Variants in CDC42 observed in about 807,000 individuals in gnomAD.
CDC42 encodes cell division cycle 42.
A neutral mutation model predicts 20.8 loss-of-function variants in CDC42; 1 was observed. That is an observed-to-expected ratio of 0.05 (90% CI 0.02 to 0.23). CDC42 has a LOEUF of 0.23. Ranked by LOEUF, CDC42 falls within the 10% of genes least tolerant of loss-of-function variation. The probability of loss-of-function intolerance (pLI) is 1.00; values close to 1 mark genes in which losing one functional copy is unlikely to be tolerated. For missense variants in CDC42, 49 were observed against 227.9 expected (o/e 0.21, Z 5.05); for synonymous variants, 72 against 84.8 (o/e 0.85, Z 0.83).
intron 3 of CDC42, among the ~76,000 whole-genome samples, chr1:22,082,810 C>T (rs1034915726): frequency 6.6e-6 from 1 of 151,688 alleles, no homozygotes; most frequent in East Asian, 1.9e-4. Flanking sequence ...AAACAATGAC[C>T]CATAATGTCA....
At chr1:22,062,002 G>C (rs545810701) in intron 1 of CDC42, among the ~76,000 whole-genome samples, 1 of 152,090 alleles carries the variant, frequency 6.6e-6, no homozygotes, top group South Asian at 2.1e-4. Flanking sequence ...GCAGTGGCGT[G>C]ATCTTGGCTC....
chr1:22,091,048 C>T lies in CDC42; in HGVS notation c.487-380C>T, dbSNP rs79790555. On this transcript the variant is annotated intron_variant, in intron 5 of 5. Coordinates refer to ENST00000656825, the MANE Select transcript of CDC42 (RefSeq NM_001791.4). ...TCCTCTCAGTCCTCTGTTTCATATC[C>T]AGCTGTTTCATTTGAATGCAGAGCT... Among the ~76,000 whole-genome samples, 7 of 152,296 alleles carry T rather than the reference C, an allele frequency of 4.6e-5. No individual in the cohort carries two copies. In the East Asian group the frequency reaches 9.6e-4, roughly 21 times the overall value.
chr1:22,058,303 T>C (rs1256661306), intron 1 of CDC42, among the ~76,000 whole-genome samples: 1 of 152,204 alleles, frequency 6.6e-6, no homozygotes, highest in Non-Finnish European at 1.5e-5. Flanking sequence ...TTATTTCATT[T>C]TATTTTCCTA....
intron 5 of CDC42, among the ~76,000 whole-genome samples, chr1:22,088,288 A>G (rs753564607): frequency 2.0e-5 from 3 of 152,192 alleles, no homozygotes; most frequent in Admixed American, 6.5e-5. Context: ...TTCTCTAGAT[A>G]TGGGTTGCTT....
intron 2 of CDC42, among the ~76,000 whole-genome samples, chr1:22,081,406 GA>G (rs891793930): frequency 2.0e-5 from 3 of 152,216 alleles, no homozygotes; most frequent in Admixed American, 1.3e-4. Context: ...ACCACTGTCT[GA>G]AAAGTTTCAA....
intron 1 of CDC42, among the ~76,000 whole-genome samples, chr1:22,061,610 C>G (rs1358641891): frequency 8.2e-6 from 1 of 121,638 alleles, no homozygotes; most frequent in Admixed American, 1.1e-4. Context: ...GTGGCATGAT[C>G]TTGGCTCACT....
At chr1:22,078,789 G>C in intron 2 of CDC42, 1 of 1,452,750 alleles carries the variant, frequency 6.9e-7, no homozygotes, top group South Asian at 1.2e-5. Flanking sequence ...CACAGGGTTT[G>C]CAAGAAGTGC....
chr1:22,061,923 A>T (rs1645370363), intron 1 of CDC42, among the ~76,000 whole-genome samples: 1 of 150,510 alleles, frequency 6.6e-6, no homozygotes, highest in Non-Finnish European at 1.5e-5. Context: ...CCTATGGAAC[A>T]CCCTTTTTTA....
Position 22,078,416 on chromosome 1 carries a change from A to G in CDC42, c.-50-13A>G. ...TAAGTATAAATAAACAAATGTCTTT[A>G]ATCTTTTTGCAGGTCATCATCAGAT... On this transcript the variant is annotated splice_polypyrimidine_tract_variant and intron_variant, in intron 1 of 5. Transcript: ENST00000656825. 8.0e-7 allele frequency: 1 copy of G among 1,247,986 alleles called. No homozygotes were observed. The highest frequency in any genetic ancestry group is 1.2e-6 in the Non-Finnish European group (1 of 866,380). 77.3% of individuals were successfully genotyped at this position (1,247,986 alleles called of 1,614,324 possible).
intron 2 of CDC42, 70 bp from the exon 3 acceptor site, chr1:22,081,652 T>C: frequency 1.1e-6 from 1 of 926,690 alleles, no homozygotes; most frequent in East Asian, 2.4e-5. Context: ...CTGCCTTAGC[T>C]TAAGAGTTGT....
chr1:22,089,704 A>G (rs185032720), intron 5 of CDC42, among the ~76,000 whole-genome samples: 453 of 152,344 alleles, frequency 3.0e-3, no homozygotes, highest in Non-Finnish European at 4.8e-3. Flanking sequence ...AGAAGTCAAC[A>G]TATTGCATTT....
intron 5 of CDC42, chr1:22,090,023 T>C (rs2124049394): frequency 6.2e-7 from 1 of 1,613,958 alleles, no homozygotes; most frequent in Non-Finnish European, 8.5e-7. Flanking sequence ...GGAAGTGCTG[T>C]ATATTCTAAA....
intron 1 of CDC42, among the ~76,000 whole-genome samples, chr1:22,058,764 G>T (rs1376040953): frequency 1.3e-5 from 2 of 151,898 alleles, no homozygotes; most frequent in Non-Finnish European, 2.9e-5. Context: ...CTCCCATAGT[G>T]CTGGGATTAC....
rs561342146 is a variant in CDC42 at position 22,055,355 on chromosome 1, C to CAGCCAAGCTGATATAAACAGAAA, written c.-51+2614_-51+2615insGCCAAGCTGATATAAACAGAAAA. On this transcript the variant is annotated intron_variant, in intron 1 of 5. Coordinates refer to ENST00000656825, the MANE Select transcript of CDC42 (RefSeq NM_001791.4). ...AATTTCTTCAAGACCAGAAAGGTAT[C>CAGCCAAGCTGATATAAACAGAAA]ACATCCTCTGTTTATACTCTTAAAA... Among the ~76,000 whole-genome samples the CAGCCAAGCTGATATAAACAGAAA allele has an allele frequency of 9.4e-3, 1,423 of 152,028 alleles. 22 individuals are homozygous for CAGCCAAGCTGATATAAACAGAAA. Among genetic ancestry groups the CAGCCAAGCTGATATAAACAGAAA allele is most frequent in the African/African-American group, 0.032 (1,339 of 41,422 alleles).
At position 22,091,811 on chromosome 1, in the gene CDC42, T is replaced by TG. The variant is rs1553196622; in HGVS notation, c.*294_*295insG. 104 of 205,466 alleles carry TG rather than the reference T, an allele frequency of 5.1e-4. No homozygotes were observed. The highest frequency in any genetic ancestry group is 1.7e-3 in the African/African-American group (68 of 40,142). 12.7% of individuals were successfully genotyped at this position (205,466 alleles called of 1,614,324 possible). A position where few individuals can be genotyped will look rare whatever the true frequency, so the allele number is the denominator to read the frequency against. On this transcript the variant is annotated 3_prime_UTR_variant, in exon 6 of 6. Transcript: ENST00000656825. ...TGTGTGTGTTTTTTTTTTTTTTTTT[T>TG]TTGTTGTTTAAAAGCAAGGCATGCT...
rs999507822 is a variant in CDC42 at position 22,091,927 on chromosome 1, G to C, written c.*410G>C. On this transcript the variant is annotated 3_prime_UTR_variant, in exon 6 of 6. Coordinates refer to ENST00000656825, the MANE Select transcript of CDC42 (RefSeq NM_001791.4). ...GTAATCTGGGACATCTTAGTGTTTT[G>C]TTTTGTTTTTTTCCCTCCTCTTTTT... is the stretch of plus-strand genomic sequence containing the variant. 2.0e-5 allele frequency: 3 copies of C among 152,700 alleles called. No homozygotes were observed. Among genetic ancestry groups the C allele is most frequent in the Non-Finnish European group, 2.9e-5 (2 of 69,006 alleles). 9.5% of individuals were successfully genotyped at this position (152,700 alleles called of 1,614,324 possible).
At chr1:22,090,330 C>G in intron 5 of CDC42, 1 of 1,079,464 alleles carries the variant, frequency 9.3e-7, no homozygotes, top group Non-Finnish European at 1.1e-6. Flanking sequence ...TTAAGAATGT[C>G]CTCTTGGAGA....
chr1:22,097,427 A>G lies in CDC42; in HGVS notation c.*5910A>G, dbSNP rs1259501576. On this transcript the variant is annotated 3_prime_UTR_variant, in exon 6 of 6. Coordinates refer to ENST00000656825, the MANE Select transcript of CDC42 (RefSeq NM_001791.4). ...TGGCTAATTTTTGTATTTTTAGTAG[A>G]GATGGGGTTTCACCATGTTGGCCAG... Among the ~76,000 whole-genome samples, 1 of 152,094 alleles carries G rather than the reference A, an allele frequency of 6.6e-6. No individual in the cohort carries two copies. The highest frequency in any genetic ancestry group is 1.5e-5 in the Non-Finnish European group (1 of 68,012).
chr1:22,068,322 C>CT (rs1490510078), intron 1 of CDC42: 1 of 153,378 alleles, frequency 6.5e-6, no homozygotes, highest in East Asian at 1.9e-4. Context: ...TGAGCCATCT[C>CT]TTAAGTTCTG....
Sources: gnomAD v4.1 joint callset for allele counts (sites outside exome capture counted in the v4.1 genomes callset) on GRCh38, gnomAD v4.1.1 for gene constraint, MANE v1.5 for transcripts, NCBI Gene and HGNC (gene_info 2026-07-23, HGNC 2026-07-21) for gene names.